SNX25: variants seen among roughly 807,000 people sequenced by gnomAD.
The protein encoded by SNX25 is sorting nexin 25.
A neutral mutation model predicts 113.7 loss-of-function variants in SNX25; 62 were observed. The ratio of observed to expected loss-of-function variants is 0.55; its 90% CI spans 0.44 to 0.67. SNX25 has a LOEUF of 0.67. Among genes scored for constraint, SNX25 ranks in the 30% least tolerant of loss-of-function variants. The pLI is 0.00. For missense variants in SNX25, 1,014 were observed against 1,161.0 expected, an observed-to-expected ratio of 0.87 and a Z score of 1.84; for synonymous variants, 421 against 436.2, an observed-to-expected ratio of 0.97 and a Z score of 0.43.
rs528623341 is a variant in SNX25, at chr4:185,268,499, C to T, written c.1091+1344C>T. On this transcript the variant is annotated intron_variant, in intron 5 of 18. Transcript: ENST00000652585. ...ATTTTCTAGGCTTCTGTTTCTCTAC[C>T]CTTCTTTTTAATGTTCCCAAATGAT... 6.6e-5 allele frequency among the ~76,000 whole-genome samples: 10 copies of T among 151,986 alleles called. No homozygotes were observed. In the South Asian group the frequency reaches 2.1e-3, roughly 32 times the overall value.
intron 10 of SNX25, among the ~76,000 whole-genome samples, chr4:185,339,022 G>T (rs2126719376): frequency 6.6e-6 from 1 of 152,054 alleles, no homozygotes; most frequent in African/African-American, 2.4e-5. Flanking sequence ...TTGAAATTTT[G>T]TTGGGGATTG....
Position 185,288,221 on chromosome 4 carries a change from C to G in SNX25, c.1162+139C>G, listed in dbSNP as rs1399175962. On this transcript the variant is annotated intron_variant, in intron 6 of 18. Transcript: ENST00000652585. ...ATATTTCAATTTATTAAAAACAATACTATTACAGTATTAGAGAAGTAAATA... is the reference window on the plus strand; with the variant it reads ...ATATTTCAATTTATTAAAAACAATAGTATTACAGTATTAGAGAAGTAAATA... 9.8e-6 allele frequency: 6 copies of G among 612,236 alleles called. No homozygotes were observed. In the African/African-American group the frequency reaches 1.1e-4, roughly 11 times the overall value. The allele number at this position is 612,236 out of a possible 1,614,324, so 37.9% of individuals were successfully genotyped here. A position where few individuals can be genotyped will look rare whatever the true frequency, so the allele number is the denominator to read the frequency against.
intron 5 of SNX25, among the ~76,000 whole-genome samples, chr4:185,284,496 C>T (rs1489659758): frequency 6.6e-6 from 1 of 152,062 alleles, no homozygotes. Flanking sequence ...AGACTGCCTT[C>T]CAGCAGGAAA....
chr4:185,347,505 T>C (rs1322335154), intron 13 of SNX25, among the ~76,000 whole-genome samples: 1 of 151,968 alleles, frequency 6.6e-6, no homozygotes, highest in Non-Finnish European at 1.5e-5. Flanking sequence ...AGTTTCGCTC[T>C]TGTTGCCCAG....
At chr4:185,224,576 T>G (rs1475264536) in intron 1 of SNX25, among the ~76,000 whole-genome samples, 3 of 60,696 alleles carry the variant, frequency 4.9e-5, no homozygotes, top group Non-Finnish European at 1.1e-4. Flanking sequence ...TAAGTGTATA[T>G]AAATATATAT....
chr4:185,319,318 C>T (rs1330244092), intron 7 of SNX25, among the ~76,000 whole-genome samples: 1 of 148,986 alleles, frequency 6.7e-6, no homozygotes, highest in Non-Finnish European at 1.5e-5. Context: ...CTGCCTCAGC[C>T]TCCCAAGTAG....
chr4:185,325,796 GC>G (rs2095153213), intron 9 of SNX25, among the ~76,000 whole-genome samples: 1 of 152,070 alleles, frequency 6.6e-6, no homozygotes, highest in Non-Finnish European at 1.5e-5. Flanking sequence ...GGGGTTCCTG[GC>G]CTGTCAAAAA....
At chr4:185,364,796 A>G (rs922179958), downstream of SNX25, 2 of 152,240 alleles carry the variant, frequency 1.3e-5, no homozygotes, top group Admixed American at 6.5e-5. Flanking sequence ...AAGAGAGGCA[A>G]TGTGAAGTTG....
chr4:185,337,553 T>C (rs944718068), intron 10 of SNX25, among the ~76,000 whole-genome samples: 3 of 152,244 alleles, frequency 2.0e-5, no homozygotes, highest in Non-Finnish European at 4.4e-5. Context: ...TTACAATGAA[T>C]GTGGGTATGC....
Position 185,285,680 on chromosome 4 carries a change from A to C in SNX25, c.1092-2332A>C, listed in dbSNP as rs536098471. Reference sequence around the variant, plus strand: ...TTTCCCCATGTCACCACATGTCCTGAGATTGGTAGTTAGGGGCTGTTTTGA... The same window carrying C: ...TTTCCCCATGTCACCACATGTCCTGCGATTGGTAGTTAGGGGCTGTTTTGA... On this transcript the variant is annotated intron_variant, in intron 5 of 18. Coordinates refer to ENST00000652585, the MANE Select transcript of SNX25 (RefSeq NM_001378034.2). Among the ~76,000 whole-genome samples the C allele has an allele frequency of 4.6e-5, 7 of 152,244 alleles. No homozygotes were observed. The East Asian group carries it at 1.3e-3, about 29-fold the overall frequency.
rs777240038 is a variant in SNX25, at chr4:185,339,431, A to G, written c.1967A>G (p.Asp656Gly). 66 of 1,614,030 alleles carry G rather than the reference A, an allele frequency of 4.1e-5. No homozygotes were observed. The highest frequency in any genetic ancestry group is 1.3e-4 in the Admixed American group (8 of 60,002). The stretch of plus-strand genomic sequence containing the variant: ...ATCCTAATAGAGAAAGAACGCACAG[A>G]CCTTCAGCTGCACATGGCAAGAACG... Reference protein sequence around the residue: ...EIILIEKERTDLQLHMARTDW... With the variant: ...EIILIEKERTGLQLHMARTDW... The change falls in exon 11 of 19, where the codon GAC becomes GGC. Residue 656 changes from aspartate to glycine, a missense_variant. By Grantham distance (94) the Asp-to-Gly change is moderately conservative. Transcript: ENST00000652585.
At chr4:185,374,879 C>G (rs2095427964), downstream of SNX25, among the ~76,000 whole-genome samples, 1 of 152,070 alleles carries the variant, frequency 6.6e-6, no homozygotes, top group Non-Finnish European at 1.5e-5. Flanking sequence ...CTTGCGAGCC[C>G]CTAACAAACA....
intron 2 of SNX25, among the ~76,000 whole-genome samples, chr4:185,251,246 C>T (rs561320302): frequency 2.0e-5 from 3 of 152,130 alleles, no homozygotes; most frequent in Non-Finnish European, 4.4e-5. Flanking sequence ...CCGCTTGCCT[C>T]GGCCTCTCAA....
At chr4:185,287,306 G>A (rs1166504694) in intron 5 of SNX25, among the ~76,000 whole-genome samples, 3 of 152,132 alleles carry the variant, frequency 2.0e-5, no homozygotes, top group African/African-American at 4.8e-5. Context: ...TCAGCTCTCC[G>A]TGTGCCTTAG....
chr4:185,315,292 ATTTTTTTT>A (rs56655112), intron 7 of SNX25, among the ~76,000 whole-genome samples: 1 of 119,384 alleles, frequency 8.4e-6, no homozygotes. Flanking sequence ...TTCACTGGTG[ATTTTTTTT>A]TTTTTTTTTT....
In SNX25 at chr4:185,242,387, C is replaced by T. The variant is rs1037537903; in HGVS notation, c.430-4907C>T. On this transcript the variant is annotated intron_variant, in intron 1 of 18. Transcript: ENST00000652585. ...AGAGCCCTCAACCCCCCACCCCCAA[C>T]GTCAGTCTGTAAGTCTGGGCTGCTG... 4.6e-5 allele frequency among the ~76,000 whole-genome samples: 7 copies of T among 152,144 alleles called. No individual in the cohort carries two copies. The East Asian group carries it at 9.6e-4, about 21-fold the overall frequency.
chr4:185,361,605 G>A (rs2095364334), intron 16 of SNX25, among the ~76,000 whole-genome samples: 1 of 152,096 alleles, frequency 6.6e-6, no homozygotes, highest in African/African-American at 2.4e-5. Flanking sequence ...AGGCATGGTG[G>A]CACGTGCCTG....
At chr4:185,217,126 G>A (rs3108289) in intron 1 of SNX25, among the ~76,000 whole-genome samples, 95,788 of 151,878 alleles carry the variant, frequency 0.63, 30,435 homozygotes, top group East Asian at 0.73. Flanking sequence ...TGTGATTGGG[G>A]TGGACTTAAA....
intron 6 of SNX25, among the ~76,000 whole-genome samples, chr4:185,296,716 G>A (rs1752886012): frequency 6.6e-6 from 1 of 152,112 alleles, no homozygotes; most frequent in Non-Finnish European, 1.5e-5. Flanking sequence ...TAGAGGGAAA[G>A]CTTTTACAGA....
Sources: gnomAD v4.1 joint callset for allele counts (sites outside exome capture counted in the v4.1 genomes callset) on GRCh38, gnomAD v4.1.1 for gene constraint, MANE v1.5 for transcripts, NCBI Gene and HGNC (gene_info 2026-07-23, HGNC 2026-07-21) for gene names.